MAMDC2: variants seen among roughly 807,000 people sequenced by gnomAD.
MAMDC2 encodes the protein MAM domain-containing protein 2.
MAMDC2 carries 57 observed loss-of-function variants against 89.8 expected under a neutral mutation model. The observed-to-expected ratio is 0.63, with a 90% CI of 0.51 to 0.79. The LOEUF is 0.79. Ranked by LOEUF, MAMDC2 falls within the 30% of genes least tolerant of loss-of-function variation. The probability of loss-of-function intolerance (pLI) is 0.00; values close to 1 mark genes in which losing one functional copy is unlikely to be tolerated. For missense variants in MAMDC2, 800 were observed against 820.6 expected (o/e 0.97, Z 0.31); for synonymous variants, 313 against 293.4 (o/e 1.07, Z -0.68).
At chr9:70,195,097 G>A (rs2032951538) in intron 11 of MAMDC2, among the ~76,000 whole-genome samples, 1 of 151,942 alleles carries the variant, frequency 6.6e-6, no homozygotes, top group Non-Finnish European at 1.5e-5. Context: ...TACTAAAAAT[G>A]GAATCTATTT....
intron 11 of MAMDC2, among the ~76,000 whole-genome samples, chr9:70,187,568 T>C (rs1210567128): frequency 7.2e-5 from 11 of 152,106 alleles, no homozygotes; most frequent in Admixed American, 6.5e-4. Context: ...ACATTTTTTA[T>C]CACCTCAAAA....
intron 9 of MAMDC2, among the ~76,000 whole-genome samples, chr9:70,146,386 GA>G (rs1053354762): frequency 2.0e-5 from 3 of 152,150 alleles, no homozygotes; most frequent in African/African-American, 7.2e-5. Flanking sequence ...TTCAACACTA[GA>G]AAACTCTGGC....
intron 2 of MAMDC2, among the ~76,000 whole-genome samples, chr9:70,080,864 C>T (rs1250233784): frequency 6.6e-6 from 1 of 152,130 alleles, no homozygotes; most frequent in Non-Finnish European, 1.5e-5. Flanking sequence ...TTTTAAAAAT[C>T]CTCCACTGTC....
chr9:70,151,536 G>T (rs2118451010), intron 9 of MAMDC2, among the ~76,000 whole-genome samples: 1 of 152,262 alleles, frequency 6.6e-6, no homozygotes, highest in South Asian at 2.1e-4. Flanking sequence ...TGAGTGGGTG[G>T]ACTTTCTAGG....
chr9:70,168,795 G>T lies in MAMDC2; in HGVS notation c.1498G>T (p.Glu500Ter). Residue 500 changes from glutamate (E) to a stop codon, truncating the protein, a stop_gained and splice_region_variant, in exon 10 of 14, where the codon GAG becomes TAG. Transcript: ENST00000377182. LOFTEE classifies it high-confidence loss of function. ...ACAATTGGGAAGCTGCTCATCTTCA[G>T]GTAAGACGGCAATCATTTTAGCTCT... ...TIQLGSCSSS[E>*]KLPPPPGECT... 1 of 1,611,796 alleles carries T rather than the reference G, an allele frequency of 6.2e-7. No homozygotes were observed. Among genetic ancestry groups the T allele is most frequent in the Non-Finnish European group, 8.5e-7 (1 of 1,178,032 alleles).
intron 5 of MAMDC2, among the ~76,000 whole-genome samples, chr9:70,117,363 C>T (rs558403383): frequency 5.4e-4 from 82 of 152,208 alleles, no homozygotes; most frequent in African/African-American, 1.9e-3. Flanking sequence ...TCTCAGCAAA[C>T]TAACACAGGA....
chr9:70,096,837 G>A (rs1198597572), intron 2 of MAMDC2, among the ~76,000 whole-genome samples: 2 of 151,990 alleles, frequency 1.3e-5, no homozygotes, highest in African/African-American at 2.4e-5. Flanking sequence ...TTAAAGGGGG[G>A]GATCAAGGAA....
At chr9:70,071,514 C>T (rs1224933701) in intron 2 of MAMDC2, 1 of 152,070 alleles carries the variant, frequency 6.6e-6, no homozygotes, top group African/African-American at 2.4e-5. Flanking sequence ...TTACTTATTT[C>T]CCTGGATTGT....
At chr9:70,129,786 C>T (rs1020159587) in intron 6 of MAMDC2, among the ~76,000 whole-genome samples, 10 of 152,100 alleles carry the variant, frequency 6.6e-5, no homozygotes, top group Non-Finnish European at 1.2e-4. Context: ...TAGGACTGCC[C>T]ATAACAAAGT....
chr9:70,146,499 G>T (rs900394640), intron 9 of MAMDC2, among the ~76,000 whole-genome samples: 7 of 152,284 alleles, frequency 4.6e-5, no homozygotes, highest in African/African-American at 1.7e-4. Flanking sequence ...ATAGAAGCAT[G>T]CATTGGGTAA....
rs541886303 is a variant in MAMDC2 at position 70,216,277 on chromosome 9, G to T, written c.1652-2060G>T. 156 of 152,320 alleles carry T rather than the reference G, an allele frequency of 1.0e-3. 1 individual carries two copies. Among genetic ancestry groups the T allele is most frequent in the African/African-American group, 3.3e-3 (137 of 41,562 alleles). 9.4% of individuals were successfully genotyped at this position (152,320 alleles called of 1,614,324 possible). A position where few individuals can be genotyped will look rare whatever the true frequency, so the allele number is the denominator to read the frequency against. On this transcript the variant is annotated intron_variant, in intron 11 of 13. Coordinates refer to ENST00000377182, the MANE Select transcript of MAMDC2 (RefSeq NM_153267.5). Reference sequence around the variant, plus strand: ...CATAGACTAGGTGGTTTAAACAACAGAAACTTACCTCTCACAGTTGTGGAG... The same window carrying T: ...CATAGACTAGGTGGTTTAAACAACATAAACTTACCTCTCACAGTTGTGGAG...
At chr9:70,053,584 T>C (rs1347040814) in intron 2 of MAMDC2, among the ~76,000 whole-genome samples, 1 of 152,212 alleles carries the variant, frequency 6.6e-6, no homozygotes, top group Non-Finnish European at 1.5e-5. Context: ...GTCAAGGCTT[T>C]TCATTTGATC....
At chr9:70,188,559 A>G (rs951409287) in intron 11 of MAMDC2, 1 of 152,040 alleles carries the variant, frequency 6.6e-6, no homozygotes, top group African/African-American at 2.4e-5. Context: ...TTAAAATGTT[A>G]TTATTCCCCA....
intron 7 of MAMDC2, among the ~76,000 whole-genome samples, chr9:70,134,235 T>A (rs2030920045): frequency 6.6e-6 from 1 of 151,956 alleles, no homozygotes; most frequent in Non-Finnish European, 1.5e-5. Context: ...CTGAGACCCA[T>A]CTCATAGTCA....
chr9:70,059,628 A>G (rs1466827722), intron 2 of MAMDC2, among the ~76,000 whole-genome samples: 1 of 152,196 alleles, frequency 6.6e-6, no homozygotes, highest in African/African-American at 2.4e-5. Flanking sequence ...GTTCAAAGAC[A>G]GTTTCAATAA....
intron 11 of MAMDC2, among the ~76,000 whole-genome samples, chr9:70,176,661 A>G (rs2118557113): frequency 6.6e-6 from 1 of 152,284 alleles, no homozygotes; most frequent in South Asian, 2.1e-4. Flanking sequence ...TTCTCAAGAC[A>G]CCTTCCACTT....
chr9:70,158,525 T>C (rs1383306944), intron 9 of MAMDC2, among the ~76,000 whole-genome samples: 2 of 151,480 alleles, frequency 1.3e-5, no homozygotes, highest in African/African-American at 4.8e-5. Flanking sequence ...CATATAAATG[T>C]TTTCTGGTCT....
intron 8 of MAMDC2, among the ~76,000 whole-genome samples, chr9:70,142,013 G>T (rs2031240828): frequency 6.6e-6 from 1 of 152,122 alleles, no homozygotes; most frequent in African/African-American, 2.4e-5. Flanking sequence ...TCCTGCCTCT[G>T]CTATTTCTCA....
chr9:70,142,063 A>G (rs972818619), intron 8 of MAMDC2, among the ~76,000 whole-genome samples: 10 of 152,214 alleles, frequency 6.6e-5, no homozygotes, highest in African/African-American at 2.4e-4. Flanking sequence ...CCAAAGTGAC[A>G]TAGTTTGGGG....
Sources: gnomAD v4.1 joint callset for allele counts (sites outside exome capture counted in the v4.1 genomes callset) on GRCh38, gnomAD v4.1.1 for gene constraint, MANE v1.5 for transcripts, NCBI Gene and HGNC (gene_info 2026-07-23, HGNC 2026-07-21) for gene names.